The following KIF18A variants were observed in gnomAD, a reference collection of about 807,000 sequenced individuals.
The protein encoded by KIF18A is kinesin-like protein KIF18A.
A neutral mutation model predicts 103.3 loss-of-function variants in KIF18A; 67 were observed. The ratio of observed to expected loss-of-function variants is 0.65; its 90% CI spans 0.53 to 0.79. The LOEUF is 0.79. Ranked by LOEUF, KIF18A falls within the 30% of genes least tolerant of loss-of-function variation. The pLI is 0.00. For missense variants in KIF18A, 1,032 were observed against 1,062.5 expected (o/e 0.97, Z 0.40); for synonymous variants, 367 against 355.5 (o/e 1.03, Z -0.36).
At chr11:28,096,641 A>G (rs771058144) in intron 2 of KIF18A, among the ~76,000 whole-genome samples, 151 of 152,356 alleles carry the variant, frequency 9.9e-4, no homozygotes, top group Middle Eastern at 3.4e-3. Context: ...TGGGAATCAC[A>G]GTAGTACCAA....
At chr11:28,061,968 A>G (rs1186172287) in intron 12 of KIF18A, among the ~76,000 whole-genome samples, 1 of 152,142 alleles carries the variant, frequency 6.6e-6, no homozygotes, top group Non-Finnish European at 1.5e-5. Flanking sequence ...GACACCTGAT[A>G]TTTAGCAACT....
chr11:28,103,829 A>G (rs1371106186), intron 1 of KIF18A, among the ~76,000 whole-genome samples: 2 of 152,298 alleles, frequency 1.3e-5, no homozygotes, highest in East Asian at 3.9e-4. Context: ...TGAGGCATCA[A>G]AAAGAAAAAA....
chr11:28,060,643 T>A (rs566212914), intron 12 of KIF18A, among the ~76,000 whole-genome samples: 1 of 152,338 alleles, frequency 6.6e-6, no homozygotes, highest in African/African-American at 2.4e-5. Flanking sequence ...GATACCTGGC[T>A]GGTATTTTAA....
At chr11:28,073,448 G>A (rs1003764233) in intron 10 of KIF18A, among the ~76,000 whole-genome samples, 2 of 152,038 alleles carry the variant, frequency 1.3e-5, no homozygotes, top group African/African-American at 4.8e-5. Flanking sequence ...TAGCATTCAC[G>A]GTACTTAGAA....
intron 10 of KIF18A, among the ~76,000 whole-genome samples, chr11:28,070,442 T>G (rs1278035765): frequency 6.6e-6 from 1 of 152,120 alleles, no homozygotes; most frequent in Non-Finnish European, 1.5e-5. Flanking sequence ...TTCATAAAAT[T>G]TTACTTACCT....
At chr11:28,076,630 CAG>C (rs1851093641) in intron 10 of KIF18A, 1 of 152,608 alleles carries the variant, frequency 6.6e-6, no homozygotes, top group South Asian at 2.1e-4. Flanking sequence ...ATAAAATTTC[CAG>C]AGTTAGAACC....
intron 3 of KIF18A, among the ~76,000 whole-genome samples, chr11:28,091,732 A>C (rs1427532468): frequency 6.6e-6 from 1 of 152,242 alleles, no homozygotes; most frequent in Non-Finnish European, 1.5e-5. Flanking sequence ...ATTGAAACTT[A>C]AAGTTGGAGT....
intron 10 of KIF18A, among the ~76,000 whole-genome samples, chr11:28,071,978 A>G (rs749947644): frequency 3.3e-5 from 5 of 152,136 alleles, no homozygotes; most frequent in Non-Finnish European, 7.4e-5. Flanking sequence ...TGAAACCTCA[A>G]AAAGTCCATT....
Position 28,021,149 on chromosome 11 carries a change from A to C in KIF18A, c.*51T>G. 1 of 1,429,784 alleles carries C rather than the reference A, an allele frequency of 7.0e-7. No homozygotes were observed. Among genetic ancestry groups the C allele is most frequent in the Non-Finnish European group, 9.2e-7 (1 of 1,085,570 alleles). 88.6% of individuals were successfully genotyped at this position (1,429,784 alleles called of 1,614,324 possible). The stretch of plus-strand genomic sequence containing the variant: ...TATATTTTTGAAAGGGTATTGATAA[A>C]CTTTGAAAAGCAGATTTGATCAACT... On this transcript the variant is annotated 3_prime_UTR_variant, in exon 17 of 17. Coordinates refer to ENST00000263181, the MANE Select transcript of KIF18A (RefSeq NM_031217.4).
intron 3 of KIF18A, among the ~76,000 whole-genome samples, chr11:28,091,965 G>A (rs990341426): frequency 4.6e-5 from 7 of 152,102 alleles, no homozygotes; most frequent in Non-Finnish European, 8.8e-5. Flanking sequence ...ACTGGCGCCT[G>A]CCACCACGCC....
At chr11:28,088,410 T>C in intron 6 of KIF18A, 114 bp downstream of exon 6, 5 of 811,110 alleles carry the variant, frequency 6.2e-6, no homozygotes, top group South Asian at 1.7e-5. Flanking sequence ...ATTACTGATA[T>C]ACCCTTGAAA....
intron 13 of KIF18A, 32 bp from the exon 14 acceptor site, chr11:28,036,696 A>G: frequency 1.5e-6 from 2 of 1,370,394 alleles, no homozygotes; most frequent in Non-Finnish European, 9.9e-7. Flanking sequence ...GACACTCGAT[A>G]ATGTTTCCTA....
At chr11:28,051,314 T>C (rs1172233427) in intron 13 of KIF18A, among the ~76,000 whole-genome samples, 2 of 151,826 alleles carry the variant, frequency 1.3e-5, no homozygotes, top group African/African-American at 2.4e-5. Context: ...ATTAAAATAA[T>C]AGCTACTGGC....
intron 1 of KIF18A, among the ~76,000 whole-genome samples, chr11:28,101,285 A>G (rs1398563744): frequency 6.6e-6 from 1 of 152,182 alleles, no homozygotes; most frequent in Non-Finnish European, 1.5e-5. Flanking sequence ...AGCTTTTAGA[A>G]ATATTCAACA....
intron 10 of KIF18A, among the ~76,000 whole-genome samples, chr11:28,070,923 T>G (rs570859924): frequency 1.3e-4 from 20 of 152,322 alleles, no homozygotes; most frequent in African/African-American, 4.3e-4. Context: ...GGCATGTGCC[T>G]GTAGTTCCAG....
At chr11:28,074,994 G>C (rs1044148175) in intron 10 of KIF18A, among the ~76,000 whole-genome samples, 1 of 151,994 alleles carries the variant, frequency 6.6e-6, no homozygotes, top group Non-Finnish European at 1.5e-5. Context: ...AGTTTCACAC[G>C]TTTAGGTATA....
chr11:28,097,764 G>T lies in KIF18A; in HGVS notation c.184C>A (p.Gln62Lys). The change falls in exon 2 of 17, where the codon CAA (glutamine) becomes AAA (lysine). Residue 62 changes from glutamine (Q) to lysine (K), a missense_variant. Gln to Lys is a moderately conservative substitution (Grantham distance 53). Transcript: ENST00000263181. ...SFFHGKKTTN[Q>K]NVIKKQNKDL... Reference sequence around the variant, plus strand: ...TTATTTTGTTTCTTTATAACATTTTGATTTGTAGTTTTCTTTCCATGGAAA... The same window carrying T: ...TTATTTTGTTTCTTTATAACATTTTTATTTGTAGTTTTCTTTCCATGGAAA... 1 of 1,611,778 alleles carries T rather than the reference G, an allele frequency of 6.2e-7. No homozygotes were observed. Among genetic ancestry groups the T allele is most frequent in the South Asian group, 1.1e-5 (1 of 90,868 alleles).
intron 3 of KIF18A, 28 bp from the exon 4 acceptor site, chr11:28,091,541 T>G (rs369922257): frequency 1.6e-6 from 2 of 1,277,074 alleles, no homozygotes; most frequent in Admixed American, 4.0e-5. Flanking sequence ...TGCTTTAGCA[T>G]TGATGTAAAA....
At chr11:28,024,557 A>G (rs1307878243) in intron 15 of KIF18A, among the ~76,000 whole-genome samples, 4 of 152,186 alleles carry the variant, frequency 2.6e-5, no homozygotes, top group African/African-American at 9.6e-5. Context: ...GGAGATGAGA[A>G]AAAAATAAGA....
Sources: allele counts gnomAD v4.1 joint callset (sites outside exome capture counted in the v4.1 genomes callset), GRCh38; gene constraint gnomAD v4.1.1; transcripts MANE v1.5; gene names NCBI Gene and HGNC (gene_info 2026-07-23, HGNC 2026-07-21).